Variants in PRSS3 observed in about 807,000 individuals in gnomAD.
The protein encoded by PRSS3 is trypsin-3.
Under a neutral mutation model 20.8 loss-of-function variants are expected in PRSS3, and 14 were observed. That is an observed-to-expected ratio of 0.67 (90% confidence interval 0.44 to 1.05). The LOEUF is 1.05. PRSS3 is among the 50% of genes least tolerant of loss of function. PRSS3 has a pLI of 0.00. For synonymous variants in PRSS3, 91 were observed against 117.6 expected (o/e 0.77, Z 1.46); for missense variants, 237 against 306.4 (o/e 0.77, Z 1.69).
At chr9:33,771,637 G>GTTTTTTTT (rs1183738501) in intron 1 of PRSS3, among the ~76,000 whole-genome samples, 86 of 87,962 alleles carry the variant, frequency 9.8e-4, no homozygotes, top group Non-Finnish European at 1.7e-3. Context: ...TTGTTTTTTT[G>GTTTTTTTT]TTTTTTTGTT....
upstream of PRSS3, among the ~76,000 whole-genome samples, chr9:33,792,312 T>G (rs1824669117): frequency 6.6e-6 from 1 of 151,886 alleles, no homozygotes. Context: ...GAGAAAGATC[T>G]GGTGGGATTT....
At chr9:33,793,419 C>T (rs560887263), upstream of PRSS3, among the ~76,000 whole-genome samples, 1 of 152,334 alleles carries the variant, frequency 6.6e-6, no homozygotes, top group African/African-American at 2.4e-5. Flanking sequence ...TATCAATGCT[C>T]CAAAACCTGG....
chr9:33,751,965 T>C (rs1822720900), intron 1 of PRSS3, among the ~76,000 whole-genome samples: 1 of 152,162 alleles, frequency 6.6e-6, no homozygotes, highest in African/African-American at 2.4e-5. Context: ...GAAGGTTTCA[T>C]TGAATATGGC....
chr9:33,791,270 G>C (rs1824619893), upstream of PRSS3, among the ~76,000 whole-genome samples: 1 of 152,238 alleles, frequency 6.6e-6, no homozygotes, highest in African/African-American at 2.4e-5. Flanking sequence ...AAACACAGTG[G>C]CTCTGGGGTG....
intron 1 of PRSS3, among the ~76,000 whole-genome samples, chr9:33,776,567 A>G (rs1328002309): frequency 6.6e-6 from 1 of 152,250 alleles, no homozygotes; most frequent in Non-Finnish European, 1.5e-5. Context: ...AATCACAGAA[A>G]TAAACCCACT....
intron 1 of PRSS3, among the ~76,000 whole-genome samples, chr9:33,783,807 G>A (rs575852613): frequency 1.3e-5 from 2 of 151,038 alleles, no homozygotes; most frequent in South Asian, 2.1e-4. Flanking sequence ...GGAGAATGGC[G>A]TGAATCCAGG....
rs761880949 is a variant in PRSS3 at position 33,798,105 on chromosome 9, C to T, written c.454+23C>T. On this transcript the variant is annotated intron_variant, in intron 3 of 4. Coordinates refer to ENST00000379405, the MANE Select transcript of PRSS3 (RefSeq NM_002771.4). Reference sequence around the variant, plus strand: ...GTGGTGAGTGGGACCCTTTGTCCTTCTACTTCCCCCCATCCTCACAATTTC... The same window carrying T: ...GTGGTGAGTGGGACCCTTTGTCCTTTTACTTCCCCCCATCCTCACAATTTC... The T allele has an allele frequency of 3.3e-5, 54 of 1,614,118 alleles. No homozygotes were observed. The Admixed American group carries it at 8.8e-4, about 26-fold the overall frequency.
Position 33,799,058 on chromosome 9 carries a change from G to C in PRSS3, c.622G>C (p.Gly208Arg), listed in dbSNP as rs142473318. The change falls in exon 5 of 5, where the codon GGA (glycine) becomes CGA (arginine). Residue 208 changes from glycine (G) to arginine (R), a missense_variant. By Grantham distance (125) the Gly-to-Arg change is moderately radical. Transcript: ENST00000379405. ...RDSGGPVVCNGQLQGVVSWGH... is the reference protein window; with the variant it reads ...RDSGGPVVCNRQLQGVVSWGH... ...CTCTGGTGGCCCTGTGGTCTGCAACGGACAGCTCCAAGGAGTTGTCTCCTG... is the reference window on the plus strand; with the variant it reads ...CTCTGGTGGCCCTGTGGTCTGCAACCGACAGCTCCAAGGAGTTGTCTCCTG... 1.3e-6 allele frequency: 2 copies of C among 1,561,238 alleles called. No homozygotes were observed. The highest frequency in any genetic ancestry group is 1.7e-6 in the Non-Finnish European group (2 of 1,151,208).
chr9:33,759,695 G>A (rs868443084), intron 1 of PRSS3, among the ~76,000 whole-genome samples: 4 of 152,336 alleles, frequency 2.6e-5, no homozygotes, highest in South Asian at 2.1e-4. Context: ...CTATTCAGCA[G>A]GTTGTTGGAT....
chr9:33,760,618 C>T (rs559154973), intron 1 of PRSS3, among the ~76,000 whole-genome samples: 12 of 151,764 alleles, frequency 7.9e-5, no homozygotes, highest in African/African-American at 2.7e-4. Flanking sequence ...TGGTGGCGGG[C>T]GTCTATAGTC....
intron 2 of PRSS3, among the ~76,000 whole-genome samples, chr9:33,797,470 T>C (rs1825030701): frequency 1.3e-5 from 2 of 152,252 alleles, no homozygotes; most frequent in South Asian, 4.1e-4. Context: ...TGTGCGCAGT[T>C]AGCAAAGACC....
intron 1 of PRSS3, among the ~76,000 whole-genome samples, chr9:33,788,036 A>G (rs1205750369): frequency 2.0e-5 from 3 of 152,150 alleles, no homozygotes; most frequent in Non-Finnish European, 4.4e-5. Flanking sequence ...GAGAGCAGCC[A>G]CCCTGGGTTT....
chr9:33,775,724 A>C (rs1432555944), intron 1 of PRSS3, among the ~76,000 whole-genome samples: 2 of 127,250 alleles, frequency 1.6e-5, no homozygotes, highest in African/African-American at 6.0e-5. Context: ...TTTTTTGGAG[A>C]TGGAGTCTCA....
chr9:33,756,149 C>G (rs181301637), intron 1 of PRSS3, among the ~76,000 whole-genome samples: 188 of 152,308 alleles, frequency 1.2e-3, no homozygotes, highest in African/African-American at 4.3e-3. Flanking sequence ...TTCCTTCACA[C>G]TTGATTGCTG....
intron 1 of PRSS3, among the ~76,000 whole-genome samples, chr9:33,781,798 A>T (rs1006005146): frequency 3.3e-5 from 5 of 152,218 alleles, no homozygotes; most frequent in African/African-American, 4.8e-5. Flanking sequence ...ACACACAAAG[A>T]ATTTATGAGA....
At chr9:33,753,603 C>T (rs1258221175) in intron 1 of PRSS3, among the ~76,000 whole-genome samples, 1 of 152,188 alleles carries the variant, frequency 6.6e-6, no homozygotes, top group Non-Finnish European at 1.5e-5. Context: ...CTAACTGTAG[C>T]CGTTATTATA....
intron 1 of PRSS3, among the ~76,000 whole-genome samples, chr9:33,783,110 T>C (rs1824248569): frequency 6.6e-6 from 1 of 152,222 alleles, no homozygotes; most frequent in Non-Finnish European, 1.5e-5. Context: ...GAAAGAAACT[T>C]TGCATAGAAG....
Position 33,798,598 on chromosome 9 carries a change from T to C in PRSS3, c.567T>C (p.Leu189=), listed in dbSNP as rs377148991. The part of the protein sequence containing the change: ...ITNSMFCVGF[L]EGGKDSCQRD... ...ACAGCATGTTCTGTGTGGGCTTCCTTGAGGGAGGCAAGGATTCCTGCCAGG... is the reference window on the plus strand; with the variant it reads ...ACAGCATGTTCTGTGTGGGCTTCCTCGAGGGAGGCAAGGATTCCTGCCAGG... Residue 189 remains leucine (L), a synonymous_variant, in exon 4 of 5, where the codon CTT becomes CTC. Transcript: ENST00000379405. 2 of 1,613,980 alleles carry C rather than the reference T, an allele frequency of 1.2e-6. No individual in the cohort carries two copies. Among genetic ancestry groups the C allele is most frequent in the South Asian group, 1.1e-5 (1 of 91,072 alleles).
chr9:33,798,470 T>C lies in PRSS3; in HGVS notation c.455-16T>C, dbSNP rs1433991984. On this transcript the variant is annotated splice_polypyrimidine_tract_variant and intron_variant, in intron 3 of 4. Coordinates refer to ENST00000379405, the MANE Select transcript of PRSS3 (RefSeq NM_002771.4). ...CCACATTTCTACTTTCTTTGATCTCTTCCTGATCCTCACAGCTGACTACCC... is the reference window on the plus strand; with the variant it reads ...CCACATTTCTACTTTCTTTGATCTCCTCCTGATCCTCACAGCTGACTACCC... 6.2e-7 allele frequency: 1 copy of C among 1,609,276 alleles called. No individual in the cohort carries two copies.
Sources: gnomAD v4.1 joint callset for allele counts (sites outside exome capture counted in the v4.1 genomes callset) on GRCh38, gnomAD v4.1.1 for gene constraint, MANE v1.5 for transcripts, NCBI Gene and HGNC (gene_info 2026-07-23, HGNC 2026-07-21) for gene names.